Variants in CDH12 observed in about 807,000 individuals in gnomAD.
CDH12 encodes the protein cadherin-12.
In CDH12, 41 loss-of-function variants were observed where a neutral mutation model predicts 74.1. The observed-to-expected ratio is 0.55, with a 90% CI of 0.43 to 0.72. The LOEUF is 0.72. Among genes scored for constraint, CDH12 ranks in the 30% least tolerant of loss-of-function variants. The pLI is 0.00. For missense variants in CDH12, 945 were observed against 977.2 expected, an observed-to-expected ratio of 0.97 and a Z score of 0.44; for synonymous variants, 399 against 355.0, an observed-to-expected ratio of 1.12 and a Z score of -1.39.
intron 6 of CDH12, among the ~76,000 whole-genome samples, chr5:21,913,290 T>C (rs1238190046): frequency 6.6e-6 from 1 of 152,020 alleles, no homozygotes; most frequent in Non-Finnish European, 1.5e-5. Context: ...AGGTTAGTTG[T>C]ATTCTGAGTC....
At chr5:22,661,943 A>G (rs1427782678) in intron 1 of CDH12, among the ~76,000 whole-genome samples, 1 of 151,982 alleles carries the variant, frequency 6.6e-6, no homozygotes, top group Non-Finnish European at 1.5e-5. Context: ...TCATTAATTC[A>G]CAATTAAAGG....
At position 21,828,257 on chromosome 5, in the gene CDH12, G is replaced by C. The variant is rs569504777; in HGVS notation, c.815-11125C>G. ...CCTGTCTCAGCCTCCCAAGTAGCCG[G>C]GGCTACAGTTGCATGCCACCATGGC... On this transcript the variant is annotated intron_variant, in intron 8 of 14. Transcript: ENST00000382254. Among the ~76,000 whole-genome samples the C allele has an allele frequency of 5.3e-5, 8 of 151,978 alleles. No individual in the cohort carries two copies. In the South Asian group the frequency reaches 1.7e-3, roughly 32 times the overall value.
intron 3 of CDH12, among the ~76,000 whole-genome samples, chr5:22,293,794 T>A (rs1042282320): frequency 6.6e-6 from 1 of 152,082 alleles, no homozygotes; most frequent in Non-Finnish European, 1.5e-5. Flanking sequence ...ACATAATTGA[T>A]CTCACAGAAG....
intron 2 of CDH12, among the ~76,000 whole-genome samples, chr5:22,475,975 T>C (rs950123163): frequency 6.6e-6 from 1 of 152,096 alleles, no homozygotes; most frequent in Non-Finnish European, 1.5e-5. Flanking sequence ...GCCTTCCATC[T>C]AAATGCTAAA....
intron 3 of CDH12, among the ~76,000 whole-genome samples, chr5:22,369,368 TAG>T (rs1233831640): frequency 6.6e-6 from 1 of 151,722 alleles, no homozygotes; most frequent in Non-Finnish European, 1.5e-5. Context: ...AGAAAAAAAA[TAG>T]ACTTTCTTTA....
At chr5:21,998,470 A>C (rs1477515143) in intron 5 of CDH12, among the ~76,000 whole-genome samples, 1 of 152,098 alleles carries the variant, frequency 6.6e-6, no homozygotes, top group Non-Finnish European at 1.5e-5. Context: ...GAGTTTACGT[A>C]GTACAGAGGA....
intron 6 of CDH12, among the ~76,000 whole-genome samples, chr5:21,947,760 G>C (rs796619843): frequency 6.6e-6 from 1 of 152,182 alleles, no homozygotes; most frequent in South Asian, 2.1e-4. Flanking sequence ...TTTCTTGGGC[G>C]TATCACAGAC....
At chr5:22,620,655 C>T (rs149452957) in intron 1 of CDH12, among the ~76,000 whole-genome samples, 5 of 152,130 alleles carry the variant, frequency 3.3e-5, no homozygotes, top group Admixed American at 2.6e-4. Context: ...GTAGATCATG[C>T]GTGAGATCAA....
At chr5:22,034,574 A>C (rs1415508078) in intron 5 of CDH12, among the ~76,000 whole-genome samples, 1 of 152,208 alleles carries the variant, frequency 6.6e-6, no homozygotes, top group Non-Finnish European at 1.5e-5. Flanking sequence ...TGCTACACTA[A>C]AGATGACAAT....
At chr5:22,560,416 T>C (rs1208498953) in intron 1 of CDH12, among the ~76,000 whole-genome samples, 1 of 152,116 alleles carries the variant, frequency 6.6e-6, no homozygotes, top group African/African-American at 2.4e-5. Flanking sequence ...CTGGGGCTCT[T>C]GAAACCTATC....
At chr5:22,842,307 A>G (rs993537355) in intron 1 of CDH12, among the ~76,000 whole-genome samples, 2 of 150,030 alleles carry the variant, frequency 1.3e-5, no homozygotes, top group Admixed American at 1.3e-4. Flanking sequence ...ATAGACAGCT[A>G]AAAAAAAACT....
At position 22,676,507 on chromosome 5, in the gene CDH12, C is replaced by T. The variant is rs145184486; in HGVS notation, c.-522-171143G>A. On this transcript the variant is annotated intron_variant, in intron 1 of 14. Coordinates refer to ENST00000382254, the MANE Select transcript of CDH12 (RefSeq NM_004061.5). ...TCTTACCCAGATTTGTCACACAGAGCGTGCTTACTCAATAAAGAACATCTT... is the reference window on the plus strand; with the variant it reads ...TCTTACCCAGATTTGTCACACAGAGTGTGCTTACTCAATAAAGAACATCTT... 3.4e-4 allele frequency among the ~76,000 whole-genome samples: 52 copies of T among 152,292 alleles called. No homozygotes were observed. In the East Asian group the frequency reaches 4.8e-3, roughly 14 times the overall value.
intron 1 of CDH12, among the ~76,000 whole-genome samples, chr5:22,538,048 CT>C (rs1737936192): frequency 6.6e-6 from 1 of 152,170 alleles, no homozygotes; most frequent in Admixed American, 6.5e-5. Context: ...GTCTTTCCCA[CT>C]TTCCTCCCTC....
Position 22,339,431 on chromosome 5 carries a change from A to C in CDH12, c.-333+65826T>G, listed in dbSNP as rs75367770. Among the ~76,000 whole-genome samples the C allele has an allele frequency of 9.6e-3, 1,466 of 152,322 alleles. 24 individuals carry two copies. Among genetic ancestry groups the C allele is most frequent in the African/African-American group, 0.032 (1,332 of 41,574 alleles). On this transcript the variant is annotated intron_variant, in intron 3 of 14. Coordinates refer to ENST00000382254, the MANE Select transcript of CDH12 (RefSeq NM_004061.5). ...CAGTTAAGTGCTTAAAGCACAGTAA[A>C]TGTTAGCTATACTTATAAATATTTG...
intron 1 of CDH12, among the ~76,000 whole-genome samples, chr5:22,716,285 G>A (rs1457327271): frequency 2.0e-5 from 3 of 152,128 alleles, no homozygotes; most frequent in Non-Finnish European, 2.9e-5. Context: ...AGGGCAAGAT[G>A]AGAATACAAT....
At chr5:22,785,164 C>G (rs1303275514) in intron 1 of CDH12, among the ~76,000 whole-genome samples, 2 of 152,180 alleles carry the variant, frequency 1.3e-5, no homozygotes, top group Admixed American at 6.5e-5. Flanking sequence ...TGATGCTCGC[C>G]CACTCTGAGT....
chr5:21,916,380 C>T (rs905966906), intron 6 of CDH12, among the ~76,000 whole-genome samples: 28 of 152,114 alleles, frequency 1.8e-4, no homozygotes, highest in Admixed American at 1.3e-4. Context: ...TGTTTCTACT[C>T]CAGGGTCTTC....
At chr5:22,191,022 C>T (rs529014737) in intron 4 of CDH12, among the ~76,000 whole-genome samples, 4 of 152,154 alleles carry the variant, frequency 2.6e-5, no homozygotes, top group Non-Finnish European at 5.9e-5. Context: ...TATTCCTGTC[C>T]CATTCCAAAC....
chr5:22,319,360 C>T (rs1018638374), intron 3 of CDH12, among the ~76,000 whole-genome samples: 1 of 152,094 alleles, frequency 6.6e-6, no homozygotes, highest in African/African-American at 2.4e-5. Flanking sequence ...AATGACAGAA[C>T]TCAGCAAATA....
Sources: gnomAD v4.1 joint callset for allele counts (sites outside exome capture counted in the v4.1 genomes callset) on GRCh38, gnomAD v4.1.1 for gene constraint, MANE v1.5 for transcripts, NCBI Gene and HGNC (gene_info 2026-07-23, HGNC 2026-07-21) for gene names.